Variants in FLG observed in about 807,000 individuals in gnomAD.
FLG encodes filaggrin, also known as epidermal filaggrin.
A neutral mutation model predicts 3.8 loss-of-function variants in FLG; 6 were observed. The observed-to-expected ratio is 1.60, with a 90% confidence interval of 0.87 to 3.15. The LOEUF (loss-of-function observed/expected upper bound fraction) is 3.15, where lower values mean the gene tolerates loss of function less well. Ranked by LOEUF, FLG falls within the 30% of genes most tolerant of loss-of-function variation. The pLI is 0.00. For synonymous variants in FLG, 2,551 were observed against 1,931.6 expected (o/e 1.32, Z -8.41); for missense variants, 7,595 against 5,050.9 (o/e 1.50, Z -15.27).
rs1255260697 is a variant in FLG at position 152,308,317 on chromosome 1, C to T, written c.6569G>A (p.Ser2190Asn). ...TTGTTCCTTGTCATATGTTTTTCTG[C>T]TTGCACTTCTGGATCCTGACTGCCC... ...SRGQSGSRSASRKTYDKEQSG... is the reference protein window; with the variant it reads ...SRGQSGSRSANRKTYDKEQSG... Residue 2190 changes from serine (S) to asparagine (N), a missense_variant, in exon 3 of 3, where the codon AGC becomes AAC. Physicochemically the swap from Ser to Asn is conservative, Grantham distance 46. Transcript: ENST00000368799. 3 of 1,613,724 alleles carry T rather than the reference C, an allele frequency of 1.9e-6. No homozygotes were observed. The highest frequency in any genetic ancestry group is 1.7e-5 in the Admixed American group (1 of 59,964).
rs141519647 is a variant in FLG at position 152,303,651 on chromosome 1, G to T, written c.11235C>A (p.Ser3745Arg). Residue 3745 changes from serine to arginine, a missense_variant, in exon 3 of 3, where the codon AGC becomes AGA. By Grantham distance (110) the Ser-to-Arg change is moderately radical. Coordinates refer to ENST00000368799, the MANE Select transcript of FLG (RefSeq NM_002016.2). Reference protein sequence around the residue: ...QGSRHEQARDSSRHSASQEGQ... With the variant: ...QGSRHEQARDRSRHSASQEGQ... Reference sequence around the variant, plus strand: ...CCTCTTGGGACGCTGAGTGCCTGGAGCTGTCTCGTGCCTGCTCGTGGCGGG... The same window carrying T: ...CCTCTTGGGACGCTGAGTGCCTGGATCTGTCTCGTGCCTGCTCGTGGCGGG... 12 of 1,614,028 alleles carry T rather than the reference G, an allele frequency of 7.4e-6. No individual in the cohort carries two copies. In the African/African-American group the frequency reaches 1.3e-4, roughly 18 times the overall value.
In FLG at chr1:152,304,903, C is replaced by T. The variant is rs2101637310; in HGVS notation, c.9983G>A (p.Arg3328Lys). The T allele has an allele frequency of 6.2e-7, 1 of 1,613,894 alleles. No homozygotes were observed. The highest frequency in any genetic ancestry group is 1.1e-5 in the South Asian group (1 of 91,020). ...ACTGGACCCCCAGTGTCTACTGTCTCTGACTGCAGATGAAGCTTGTCCACG... is the reference window on the plus strand; with the variant it reads ...ACTGGACCCCCAGTGTCTACTGTCTTTGACTGCAGATGAAGCTTGTCCACG... ...IPRGQASSAVRDSRHWGSSGS... is the reference protein window; with the variant it reads ...IPRGQASSAVKDSRHWGSSGS... The change falls in exon 3 of 3, where the codon AGA (arginine) becomes AAA (lysine). Residue 3328 changes from arginine to lysine, a missense_variant. Arg to Lys is a conservative substitution (Grantham distance 26). Coordinates refer to ENST00000368799, the MANE Select transcript of FLG (RefSeq NM_002016.2).
In FLG at chr1:152,313,364, C is replaced by G. The variant is rs747005144; in HGVS notation, c.1522G>C (p.Ala508Pro). 2.5e-6 allele frequency: 4 copies of G among 1,613,622 alleles called. No homozygotes were observed. Among genetic ancestry groups the G allele is most frequent in the East Asian group, 4.5e-5 (2 of 44,798 alleles). ...ATGGTGTCCTGACCCTCTTGGGACG[C>G]TGAATGCCTGGAGCTGTCTCGTGCC... is the stretch of plus-strand genomic sequence containing the variant. ...EQARDSSRHSASQEGQDTIRG... is the reference protein window; with the variant it reads ...EQARDSSRHSPSQEGQDTIRG... The change falls in exon 3 of 3, where the codon GCG becomes CCG. Residue 508 changes from alanine (A) to proline (P), a missense_variant. Transcript: ENST00000368799.
chr1:152,304,518 C>T lies in FLG; in HGVS notation c.10368G>A (p.Arg3456=), dbSNP rs549962963. Reference sequence around the variant, plus strand: ...TGTGATGGGACCCTGAGTGTCCAGACCTATCTACCGATTGCTCGTAGTGGG... The same window carrying T: ...TGTGATGGGACCCTGAGTGTCCAGATCTATCTACCGATTGCTCGTAGTGGG... The part of the protein sequence containing the change: ...QGSHYEQSVD[R]SGHSGSHHSH... Residue 3456 remains arginine, a synonymous_variant, in exon 3 of 3, where the codon AGG becomes AGA. Coordinates refer to ENST00000368799, the MANE Select transcript of FLG (RefSeq NM_002016.2). 6.5e-5 allele frequency: 104 copies of T among 1,612,334 alleles called. 1 individual carries two copies. The highest frequency in any genetic ancestry group is 1.5e-4 in the South Asian group (14 of 90,814).
rs753394424 is a variant in FLG, at chr1:152,307,230, T to G, written c.7656A>C (p.Gly2552=). The G allele has an allele frequency of 8.7e-6, 14 of 1,612,550 alleles. No individual in the cohort carries two copies. Among genetic ancestry groups the G allele is most frequent in the Middle Eastern group, 1.6e-4 (1 of 6,082 alleles). ...DSSGHSQVGQ[G]QSEGPRTSRN... is the part of the protein sequence containing the mutation. ...TGCTTGTCCTGGGCCCCTCTGATTG[T>G]CCCTGGCCCACCTGCGAGTGTCCAG... Residue 2552 remains glycine (G), a synonymous_variant, in exon 3 of 3, where the codon GGA becomes GGC. Coordinates refer to ENST00000368799, the MANE Select transcript of FLG (RefSeq NM_002016.2).
chr1:152,306,966 T>G lies in FLG; in HGVS notation c.7920A>C (p.Ala2640=). The change falls in exon 3 of 3, where the codon GCA becomes GCC. Residue 2640 remains alanine (A), a synonymous_variant. Transcript: ENST00000368799. ...HTQTSSGGQA[A]SSHEQARSSA... is the part of the protein sequence containing the mutation. ...TTGATCTTGCCTGTTCATGGGATGA[T>G]GCAGCCTGTCCACCAGAGGAAGTCT... 1 of 1,549,382 alleles carries G rather than the reference T, an allele frequency of 6.5e-7. No individual in the cohort carries two copies. Among genetic ancestry groups the G allele is most frequent in the Non-Finnish European group, 8.8e-7 (1 of 1,138,516 alleles).
intron 1 of FLG, among the ~76,000 whole-genome samples, chr1:152,316,978 C>T (rs1652808574): frequency 6.6e-6 from 1 of 152,038 alleles, no homozygotes; most frequent in Non-Finnish European, 1.5e-5. Flanking sequence ...AAAGAGTTTC[C>T]TCATTCTCCT....
In FLG at chr1:152,307,265, C is replaced by A. The variant is rs545954966; in HGVS notation, c.7621G>T (p.Ala2541Ser). Residue 2541 changes from alanine (A) to serine (S), a missense_variant, in exon 3 of 3, where the codon GCC becomes TCC. Transcript: ENST00000368799. ...GSRHHEASSR[A>S]DSSGHSQVGQ... ...ACCTGCGAGTGTCCAGAGCTGTCGGCCCGAGAGGAAGCTTCATGGTGACGC... is the reference window on the plus strand; with the variant it reads ...ACCTGCGAGTGTCCAGAGCTGTCGGACCGAGAGGAAGCTTCATGGTGACGC... The A allele has an allele frequency of 6.2e-7, 1 of 1,613,158 alleles. No homozygotes were observed. Among genetic ancestry groups the A allele is most frequent in the African/African-American group, 1.3e-5 (1 of 74,304 alleles).
In FLG at chr1:152,313,876, C is replaced by G. The variant is rs1459896816; in HGVS notation, c.1010G>C (p.Arg337Thr). ...EQSRDGSRHP[R>T]SHDEDRASHG... ...ACTGGCTCTGTCTTCATCATGGGAC[C>G]TGGGGTGTCTGGAGCCATCTCTTGA... The change falls in exon 3 of 3, where the codon AGG (arginine) becomes ACG (threonine). Residue 337 changes from arginine (R) to threonine (T), a missense_variant. Coordinates refer to ENST00000368799, the MANE Select transcript of FLG (RefSeq NM_002016.2). The G allele has an allele frequency of 1.1e-5, 18 of 1,613,962 alleles. No individual in the cohort carries two copies. Among genetic ancestry groups the G allele is most frequent in the Middle Eastern group, 3.3e-4 (2 of 6,062 alleles).
In FLG at chr1:152,302,934, A is replaced by T. The variant is rs150644405; in HGVS notation, c.11952T>A (p.Tyr3984Ter). Residue 3984 changes from tyrosine to a stop codon, truncating the protein, a stop_gained, in exon 3 of 3, where the codon TAT becomes TAA. Coordinates refer to ENST00000368799, the MANE Select transcript of FLG (RefSeq NM_002016.2). LOFTEE classifies it low-confidence loss of function (END_TRUNC). ...GTCTAAACCCGGATTCACCATAATC[A>T]TAATCTGCACTACCATAGCTGCCAT... ...WRHGSYGSADYDYGESGFRHS... is the reference protein window; with the variant it reads ...WRHGSYGSAD 6.8e-6 allele frequency: 11 copies of T among 1,614,098 alleles called. No homozygotes were observed. Among genetic ancestry groups the T allele is most frequent in the Non-Finnish European group, 9.3e-6 (11 of 1,180,048 alleles).
chr1:152,310,604 G>A lies in FLG; in HGVS notation c.4282C>T (p.Arg1428Cys), dbSNP rs189279130. Residue 1428 changes from arginine (R) to cysteine (C), a missense_variant, in exon 3 of 3, where the codon CGT becomes TGT. Transcript: ENST00000368799. Reference protein sequence around the residue: ...PHQQSHKESARGQSGESSGRS... With the variant: ...PHQQSHKESACGQSGESSGRS... ...CCAGAGCTTTCCCCTGACTGGCCAC[G>A]TGCGGACTCTTTGTGGCTCTGCTGA... 600 of 1,613,948 alleles carry A rather than the reference G, an allele frequency of 3.7e-4. 6 individuals carry two copies. Among genetic ancestry groups the A allele is most frequent in the Non-Finnish European group, 1.6e-4 (183 of 1,179,990 alleles).
In FLG at chr1:152,311,171, C is replaced by T. The variant is rs754684241; in HGVS notation, c.3715G>A (p.Glu1239Lys). The T allele has an allele frequency of 1.2e-6, 2 of 1,613,786 alleles. No individual in the cohort carries two copies. The highest frequency in any genetic ancestry group is 2.2e-5 in the South Asian group (2 of 91,056). ...GAGCTGTCAGCCCAAGAGGCAGCTT[C>T]ATGGTGACGTGACCCTGAGTGCCTG... The part of the protein sequence containing the change: ...GSRHSGSRHH[E>K]AASWADSSRH... The change falls in exon 3 of 3, where the codon GAA becomes AAA. Residue 1239 changes from glutamate (E) to lysine (K), a missense_variant. By Grantham distance (56) the Glu-to-Lys change is moderately conservative. Transcript: ENST00000368799.
Position 152,308,239 on chromosome 1 carries a change from C to G in FLG, c.6647G>C (p.Trp2216Ser), listed in dbSNP as rs149339554. 3.4e-5 allele frequency: 55 copies of G among 1,613,960 alleles called. No individual in the cohort carries two copies. The African/African-American group carries it at 4.9e-4, about 14-fold the overall frequency. The change falls in exon 3 of 3, where the codon TGG becomes TCG. Residue 2216 changes from tryptophan (W) to serine (S), a missense_variant. Transcript: ENST00000368799. ...SGSHHHEASS[W>S]ADSSRHSLVG... is the part of the protein sequence containing the mutation. The stretch of plus-strand genomic sequence containing the variant: ...CAGTGAGTGTCTAGAGCTGTCGGCC[C>G]AAGAGGAAGCTTCATGATGATGCGA...
In FLG at chr1:152,304,771, G is replaced by A; in HGVS notation, c.10115C>T (p.Ala3372Val). The A allele has an allele frequency of 6.2e-7, 1 of 1,613,704 alleles. No homozygotes were observed. The highest frequency in any genetic ancestry group is 8.5e-7 in the Non-Finnish European group (1 of 1,179,914). The change falls in exon 3 of 3, where the codon GCA (alanine) becomes GTA (valine). Residue 3372 changes from alanine to valine, a missense_variant. Coordinates refer to ENST00000368799, the MANE Select transcript of FLG (RefSeq NM_002016.2). ...GPHQQSHQES[A>V]RDRSGGRSGR... ...AGACCTTCCCCCTGACCGGTCACGT[G>A]CGGACTCTTGGTGGCTCTGCTGATG...
In FLG at chr1:152,314,463, G is replaced by T. The variant is rs780750297; in HGVS notation, c.423C>A (p.Ser141=). Residue 141 remains serine (S), a synonymous_variant, in exon 3 of 3, where the codon TCC becomes TCA. Coordinates refer to ENST00000368799, the MANE Select transcript of FLG (RefSeq NM_002016.2). ...TCCCCCCTGTTTCTCTTGGGCTCTT[G>T]GATCTTCCCTTATTCCCTTTTCTAT... ...RNNRKGNKGR[S]KSPRETGGKR... The T allele has an allele frequency of 1.9e-6, 3 of 1,612,592 alleles. No individual in the cohort carries two copies. In the South Asian group the frequency reaches 3.3e-5, roughly 18 times the overall value.
In FLG at chr1:152,313,082, G is replaced by C. The variant is rs765652640; in HGVS notation, c.1804C>G (p.Gln602Glu). The C allele has an allele frequency of 6.2e-7, 1 of 1,613,910 alleles. No homozygotes were observed. The highest frequency in any genetic ancestry group is 2.2e-5 in the East Asian group (1 of 44,836). The change falls in exon 3 of 3, where the codon CAG becomes GAG. Residue 602 changes from glutamine to glutamate, a missense_variant. Transcript: ENST00000368799. ...CCCGATGATTGTCCCTGGCCCACCT[G>C]TGAGTGTCTAGAGCTGTCAGCCTGA... ...SSQADSSRHSQVGQGQSSGPR... is the reference protein window; with the variant it reads ...SSQADSSRHSEVGQGQSSGPR...
rs79026428 is a variant in FLG at position 152,315,963 on chromosome 1, T to C, written c.-21-486A>G. 9.1e-3 allele frequency among the ~76,000 whole-genome samples: 1,382 copies of C among 152,350 alleles called. 24 individuals are homozygous for C. Among genetic ancestry groups the C allele is most frequent in the African/African-American group, 0.032 (1,311 of 41,580 alleles). Reference sequence around the variant, plus strand: ...GAAAGTTCATTCAATTTTTTATTTGTTTTTTAAACATTTCATGAAGTTTAT... The same window carrying C: ...GAAAGTTCATTCAATTTTTTATTTGCTTTTTAAACATTTCATGAAGTTTAT... On this transcript the variant is annotated intron_variant, in intron 1 of 2. Coordinates refer to ENST00000368799, the MANE Select transcript of FLG (RefSeq NM_002016.2).
chr1:152,305,464 C>G lies in FLG; in HGVS notation c.9422G>C (p.Ser3141Thr). ...AGACCTTCCCTGGGATGTGGTGTGG[C>G]TGTGATGGGACCCTGAGTGTCCAGA... ...DSSGHSGSHHSHTTSQGRSDA... is the reference protein window; with the variant it reads ...DSSGHSGSHHTHTTSQGRSDA... Residue 3141 changes from serine (S) to threonine (T), a missense_variant, in exon 3 of 3, where the codon AGC becomes ACC. Coordinates refer to ENST00000368799, the MANE Select transcript of FLG (RefSeq NM_002016.2). 1.3e-6 allele frequency: 2 copies of G among 1,588,880 alleles called. No homozygotes were observed. The highest frequency in any genetic ancestry group is 1.7e-6 in the Non-Finnish European group (2 of 1,172,924).
chr1:152,304,602 T>C lies in FLG; in HGVS notation c.10284A>G (p.Gln3428=). 6.2e-7 allele frequency: 1 copy of C among 1,610,334 alleles called. No individual in the cohort carries two copies. Among genetic ancestry groups the C allele is most frequent in the Non-Finnish European group, 8.5e-7 (1 of 1,178,322 alleles). The part of the protein sequence containing the change: ...ARDSSRHSAS[Q]EGQDTIRGHP... ...GTCCACGAATGGTGTCCTGACCCTC[T>C]TGGGACGCTGAGTGCCTGGAGCTGT... The change falls in exon 3 of 3, where the codon CAA becomes CAG. Residue 3428 remains glutamine (Q), a synonymous_variant. Transcript: ENST00000368799.
Sources: gnomAD v4.1 joint callset for allele counts (sites outside exome capture counted in the v4.1 genomes callset) on GRCh38, gnomAD v4.1.1 for gene constraint, MANE v1.5 for transcripts, NCBI Gene and HGNC (gene_info 2026-07-23, HGNC 2026-07-21) for gene names.